Variants in ARID5B observed in about 807,000 individuals in gnomAD.
The protein encoded by ARID5B is AT-rich interaction domain 5B, also known as AT-rich interactive domain-containing protein 5B.
Under a neutral mutation model 97.2 loss-of-function variants are expected in ARID5B, and 13 were observed. The ratio of observed to expected loss-of-function variants is 0.13; its 90% CI spans 0.09 to 0.21. The LOEUF (loss-of-function observed/expected upper bound fraction) is 0.21. ARID5B is among the 10% of genes least tolerant of loss of function. ARID5B has a pLI of 1.00. For missense variants in ARID5B, 1,210 were observed against 1,465.3 expected (o/e 0.83, Z 2.84); for synonymous variants, 556 against 570.3 (o/e 0.97, Z 0.36).
At chr10:62,068,727 G>A (rs191913859) in intron 7 of ARID5B, among the ~76,000 whole-genome samples, 11 of 152,172 alleles carry the variant, frequency 7.2e-5, no homozygotes, top group East Asian at 5.8e-4. Flanking sequence ...CACGAGGGCC[G>A]CAGAACTTGT....
intron 3 of ARID5B, among the ~76,000 whole-genome samples, chr10:61,943,797 T>C (rs997640228): frequency 6.6e-6 from 1 of 151,846 alleles, no homozygotes; most frequent in East Asian, 1.9e-4. Flanking sequence ...AAATTAATAC[T>C]CCACAAAGAG....
At chr10:61,962,545 A>G (rs1477571393) in intron 3 of ARID5B, among the ~76,000 whole-genome samples, 1 of 152,228 alleles carries the variant, frequency 6.6e-6, no homozygotes, top group Non-Finnish European at 1.5e-5. Flanking sequence ...AGACAATCTA[A>G]TTCTGACAGT....
At chr10:62,039,860 A>G (rs1001472968) in intron 4 of ARID5B, among the ~76,000 whole-genome samples, 4 of 152,266 alleles carry the variant, frequency 2.6e-5, no homozygotes, top group South Asian at 2.1e-4. Flanking sequence ...GGCAAAGCCA[A>G]TGAGGCTATG....
In ARID5B at chr10:62,092,367, C is replaced by T; in HGVS notation, c.2904C>T (p.Tyr968=). 6.2e-7 allele frequency: 1 copy of T among 1,614,162 alleles called. No individual in the cohort carries two copies. Among genetic ancestry groups the T allele is most frequent in the Non-Finnish European group, 8.5e-7 (1 of 1,180,032 alleles). Residue 968 remains tyrosine, a synonymous_variant, in exon 10 of 10, where the codon TAC becomes TAT. Coordinates refer to ENST00000279873, the MANE Select transcript of ARID5B (RefSeq NM_032199.3). ...SPMTMSGPKK[Y]PESLSRSGKP... is the part of the protein sequence containing the mutation. ...TGACCATGTCAGGCCCTAAAAAATACCCTGAATCGCTTTCAAGATCAGGAA... is the reference window on the plus strand; with the variant it reads ...TGACCATGTCAGGCCCTAAAAAATATCCTGAATCGCTTTCAAGATCAGGAA...
At chr10:61,944,784 C>T (rs371952898) in intron 3 of ARID5B, among the ~76,000 whole-genome samples, 1 of 152,126 alleles carries the variant, frequency 6.6e-6, no homozygotes, top group East Asian at 1.9e-4. Flanking sequence ...GACTCATTGT[C>T]AATTATGCTG....
chr10:61,973,047 G>C (rs1418241905), intron 3 of ARID5B, among the ~76,000 whole-genome samples: 1 of 152,144 alleles, frequency 6.6e-6, no homozygotes, highest in East Asian at 1.9e-4. Flanking sequence ...AGACTATGAT[G>C]AGGAAAGACA....
intron 7 of ARID5B, among the ~76,000 whole-genome samples, chr10:62,065,546 T>C (rs895187578): frequency 1.3e-5 from 2 of 151,980 alleles, no homozygotes; most frequent in African/African-American, 2.4e-5. Flanking sequence ...GCTATTTTCT[T>C]TAGGAAACAA....
At chr10:62,018,991 C>T (rs1163956196) in intron 4 of ARID5B, among the ~76,000 whole-genome samples, 2 of 152,136 alleles carry the variant, frequency 1.3e-5, no homozygotes, top group African/African-American at 4.8e-5. Context: ...AATTTCAGTC[C>T]CTTTTTTAGA....
At chr10:62,081,339 A>G (rs1840211252) in intron 8 of ARID5B, among the ~76,000 whole-genome samples, 1 of 152,140 alleles carries the variant, frequency 6.6e-6, no homozygotes, top group Non-Finnish European at 1.5e-5. Context: ...TTGTAATACC[A>G]TTTTTCAAGC....
intron 3 of ARID5B, among the ~76,000 whole-genome samples, chr10:61,977,897 C>T (rs1280660729): frequency 6.6e-6 from 1 of 152,188 alleles, no homozygotes; most frequent in Non-Finnish European, 1.5e-5. Flanking sequence ...GCTTTTGTTG[C>T]CATTGCTTTT....
At chr10:62,014,400 G>T (rs2132883354) in intron 4 of ARID5B, among the ~76,000 whole-genome samples, 2 of 152,306 alleles carry the variant, frequency 1.3e-5, no homozygotes, top group Middle Eastern at 6.8e-3. Flanking sequence ...TGTTGAGCTG[G>T]TGCTGACAGG....
At chr10:62,008,061 A>AAC (rs369982502) in intron 4 of ARID5B, among the ~76,000 whole-genome samples, 9,229 of 66,470 alleles carry the variant, frequency 0.14, 721 homozygotes, top group African/African-American at 0.26. Context: ...CCCGCCCCAC[A>AAC]ACACACACAC....
chr10:62,037,770 A>G (rs539882541), intron 4 of ARID5B, among the ~76,000 whole-genome samples: 1 of 152,360 alleles, frequency 6.6e-6, no homozygotes, highest in South Asian at 2.1e-4. Flanking sequence ...GAAGAACAAG[A>G]GTTGTCATGT....
At chr10:61,960,353 C>T (rs1169835821) in intron 3 of ARID5B, among the ~76,000 whole-genome samples, 6 of 151,962 alleles carry the variant, frequency 3.9e-5, no homozygotes, top group East Asian at 1.9e-4. Flanking sequence ...AAGTGGAGCA[C>T]GTTTTGTAAT....
At chr10:61,994,627 C>A (rs1838972190) in intron 3 of ARID5B, among the ~76,000 whole-genome samples, 1 of 152,182 alleles carries the variant, frequency 6.6e-6, no homozygotes, top group Non-Finnish European at 1.5e-5. Flanking sequence ...TCCCCACCCC[C>A]AGCCCAACTC....
At position 62,000,303 on chromosome 10, in the gene ARID5B, A is replaced by G. The variant is rs1839058950; in HGVS notation, c.715A>G (p.Ser239Gly). The change falls in exon 4 of 10, where the codon AGT becomes GGT. Residue 239 changes from serine to glycine, a missense_variant. By Grantham distance (56) the Ser-to-Gly change is moderately conservative. Around this residue, in one of 8 missense-constraint regions of ARID5B, gnomAD observed 132 missense variants for 156.7 expected, o/e 0.84. Coordinates refer to ENST00000279873, the MANE Select transcript of ARID5B (RefSeq NM_032199.3). The surrounding 1 kb of genome is among the most constrained non-coding windows in gnomAD (Gnocchi z 4.4). Reference sequence around the variant, plus strand: ...CCACCCGACTCTCATAGAAAACGAGAGTATATGCGATGAGTTTGGTGAGTC... The same window carrying G: ...CCACCCGACTCTCATAGAAAACGAGGGTATATGCGATGAGTTTGGTGAGTC... Reference protein sequence around the residue: ...FDHPTLIENESICDEFAPNLK... With the variant: ...FDHPTLIENEGICDEFAPNLK... 1 of 1,609,884 alleles carries G rather than the reference A, an allele frequency of 6.2e-7. No homozygotes were observed. The highest frequency in any genetic ancestry group is 1.3e-5 in the African/African-American group (1 of 74,560).
At chr10:62,001,919 T>G (rs1387788552) in intron 4 of ARID5B, among the ~76,000 whole-genome samples, 1 of 152,254 alleles carries the variant, frequency 6.6e-6, no homozygotes, top group Non-Finnish European at 1.5e-5. Context: ...CAATACATTT[T>G]TTTACAATGC....
intron 4 of ARID5B, among the ~76,000 whole-genome samples, chr10:62,031,681 C>G (rs1370326557): frequency 6.6e-6 from 1 of 152,074 alleles, no homozygotes; most frequent in Non-Finnish European, 1.5e-5. Flanking sequence ...AAGACCCTAG[C>G]AGAAGAAGGG....
At chr10:62,012,014 A>AG (rs372323183) in intron 4 of ARID5B, among the ~76,000 whole-genome samples, 2 of 151,776 alleles carry the variant, frequency 1.3e-5, no homozygotes, top group African/African-American at 4.9e-5. Flanking sequence ...GAAAAAAAAA[A>AG]GTAAATAGTA....
Sources: allele counts gnomAD v4.1 joint callset (sites outside exome capture counted in the v4.1 genomes callset), GRCh38; gene constraint gnomAD v4.1.1; regional missense constraint gnomAD v4.1.1; non-coding constraint Gnocchi (gnomAD v3.1); transcripts MANE v1.5; gene names NCBI Gene and HGNC (gene_info 2026-07-23, HGNC 2026-07-21).